The following CTNNA2 variants were observed in gnomAD, a reference collection of about 807,000 sequenced individuals.
The protein encoded by CTNNA2 is catenin alpha-2.
Under a neutral mutation model 101.0 loss-of-function variants are expected in CTNNA2, and 42 were observed. The ratio of observed to expected loss-of-function variants is 0.42; its 90% CI spans 0.32 to 0.54. CTNNA2 has a LOEUF of 0.54. Among genes scored for constraint, CTNNA2 ranks in the 20% least tolerant of loss-of-function variants. The probability of loss-of-function intolerance (pLI) is 0.14; values close to 1 mark genes in which losing one functional copy is unlikely to be tolerated. For synonymous variants in CTNNA2, 450 were observed against 456.4 expected (o/e 0.99, Z 0.18); for missense variants, 871 against 1,223.1 (o/e 0.71, Z 4.29).
At chr2:79,647,427 A>G (rs1680898579) in intron 1 of CTNNA2, among the ~76,000 whole-genome samples, 1 of 152,084 alleles carries the variant, frequency 6.6e-6, no homozygotes. Flanking sequence ...TATTATCCTG[A>G]TTTTTCATTT....
chr2:79,727,301 G>T (rs978654755), intron 2 of CTNNA2, among the ~76,000 whole-genome samples: 1 of 152,138 alleles, frequency 6.6e-6, no homozygotes, highest in Non-Finnish European at 1.5e-5. Flanking sequence ...ATGAAGAAAA[G>T]CATGGCATGT....
chr2:79,402,432 G>A (rs1421802294), intron 4 of CTNNA2, among the ~76,000 whole-genome samples: 1 of 151,706 alleles, frequency 6.6e-6, no homozygotes, highest in Admixed American at 6.6e-5. Context: ...TAATACTACT[G>A]GACCTTATAT....
intron 3 of CTNNA2, among the ~76,000 whole-genome samples, chr2:79,336,166 T>G (rs1006372587): frequency 6.6e-6 from 1 of 152,186 alleles, no homozygotes; most frequent in African/African-American, 2.4e-5. Flanking sequence ...GCAATTCATC[T>G]CACACACCAA....
chr2:79,991,763 A>G (rs1322183474), intron 7 of CTNNA2, among the ~76,000 whole-genome samples: 1 of 152,134 alleles, frequency 6.6e-6, no homozygotes, highest in Admixed American at 6.6e-5. Flanking sequence ...TTGGCTCCAA[A>G]ATGGCTCCAG....
In CTNNA2 at chr2:80,047,454, G is replaced by C. The variant is rs558527053; in HGVS notation, c.1056+137657G>C. ...GTGAATATCTGGTATTTGGAAGTGG[G>C]AGATTCATCCCTTATGATTCCTTAG... On this transcript the variant is annotated intron_variant, in intron 7 of 18. Transcript: ENST00000402739. 4.7e-3 allele frequency among the ~76,000 whole-genome samples: 715 copies of C among 152,248 alleles called. 6 individuals are homozygous for C. The highest frequency in any genetic ancestry group is 7.2e-3 in the Non-Finnish European group (491 of 68,010).
chr2:80,038,593 C>A (rs1695822495), intron 7 of CTNNA2, among the ~76,000 whole-genome samples: 1 of 152,094 alleles, frequency 6.6e-6, no homozygotes, highest in African/African-American at 2.4e-5. Context: ...CGGTGGCGGG[C>A]ACCTGTAATC....
At chr2:80,479,908 T>C (rs1013770148) in intron 9 of CTNNA2, among the ~76,000 whole-genome samples, 2 of 152,178 alleles carry the variant, frequency 1.3e-5, no homozygotes, top group Non-Finnish European at 2.9e-5. Flanking sequence ...TTTGTCAACT[T>C]TGGAGAAAGC....
In CTNNA2 at chr2:79,632,749, A is replaced by G. The variant is rs1395807498; in HGVS notation, c.-5-18803A>G. On this transcript the variant is annotated intron_variant, in intron 1 of 18. Coordinates refer to ENST00000402739, the MANE Select transcript of CTNNA2 (RefSeq NM_001282597.3). ...TACTTCACAATGATTGGGGCATCCA[A>G]AATGGCCCCTGGAAAATATTATGTG... Among the ~76,000 whole-genome samples the G allele has an allele frequency of 2.6e-5, 4 of 152,228 alleles. No homozygotes were observed. In the South Asian group the frequency reaches 8.3e-4, roughly 31 times the overall value.
chr2:79,317,833 T>C (rs906733135), intron 3 of CTNNA2, among the ~76,000 whole-genome samples: 3 of 152,050 alleles, frequency 2.0e-5, no homozygotes, highest in African/African-American at 7.2e-5. Context: ...ATAGTAAGTA[T>C]TGAAAAATGA....
chr2:79,253,009 T>C (rs74515019), intron 2 of CTNNA2, among the ~76,000 whole-genome samples: 1 of 152,168 alleles, frequency 6.6e-6, no homozygotes, highest in African/African-American at 2.4e-5. Flanking sequence ...TATAAAGCCT[T>C]TCCTTAGTGC....
chr2:79,227,681 A>G (rs918468028), intron 2 of CTNNA2, among the ~76,000 whole-genome samples: 1 of 152,172 alleles, frequency 6.6e-6, no homozygotes, highest in Non-Finnish European at 1.5e-5. Context: ...AAAATAATAC[A>G]TATTTTAATT....
At chr2:80,272,384 G>A (rs1673565373) in intron 7 of CTNNA2, among the ~76,000 whole-genome samples, 1 of 152,214 alleles carries the variant, frequency 6.6e-6, no homozygotes, top group South Asian at 2.1e-4. Context: ...TAATTACAGA[G>A]TTGGCTACAT....
intron 1 of CTNNA2, among the ~76,000 whole-genome samples, chr2:79,605,607 T>A (rs1677835906): frequency 6.6e-6 from 1 of 152,154 alleles, no homozygotes; most frequent in African/African-American, 2.4e-5. Flanking sequence ...ATATTTCTCA[T>A]TTAAAGCAAT....
At chr2:79,835,992 C>T (rs909259707) in intron 3 of CTNNA2, among the ~76,000 whole-genome samples, 6 of 152,074 alleles carry the variant, frequency 3.9e-5, no homozygotes, top group Non-Finnish European at 8.8e-5. Flanking sequence ...TTTCACTGCT[C>T]ACTGCCCTAG....
At chr2:79,820,379 A>G (rs1400812371) in intron 3 of CTNNA2, among the ~76,000 whole-genome samples, 1 of 152,194 alleles carries the variant, frequency 6.6e-6, no homozygotes, top group East Asian at 1.9e-4. Flanking sequence ...AGCAAGGTTT[A>G]CTTTCAAAAG....
intron 15 of CTNNA2, among the ~76,000 whole-genome samples, chr2:80,599,014 CG>C (rs1697235558): frequency 6.6e-6 from 1 of 151,946 alleles, no homozygotes; most frequent in Admixed American, 6.6e-5. Context: ...TGGATTTTAC[CG>C]GTATCAATTT....
At chr2:79,850,528 T>C (rs1369972045) in intron 3 of CTNNA2, among the ~76,000 whole-genome samples, 1 of 151,878 alleles carries the variant, frequency 6.6e-6, no homozygotes, top group Non-Finnish European at 1.5e-5. Flanking sequence ...CAACTCCTAA[T>C]ACAGGTGCAG....
intron 2 of CTNNA2, among the ~76,000 whole-genome samples, chr2:79,699,060 G>A (rs1684823517): frequency 6.6e-6 from 1 of 151,930 alleles, no homozygotes; most frequent in Admixed American, 6.6e-5. Flanking sequence ...TTGTGATTTG[G>A]CTCAGTAACT....
intron 2 of CTNNA2, among the ~76,000 whole-genome samples, chr2:79,247,891 C>T (rs961503405): frequency 6.6e-6 from 1 of 152,156 alleles, no homozygotes; most frequent in African/African-American, 2.4e-5. Flanking sequence ...AAAATGAATT[C>T]TTCTCTGGAG....
Sources: allele counts gnomAD v4.1 joint callset (sites outside exome capture counted in the v4.1 genomes callset), GRCh38; gene constraint gnomAD v4.1.1; transcripts MANE v1.5; gene names NCBI Gene and HGNC (gene_info 2026-07-23, HGNC 2026-07-21).